Variants in BAHCC1 observed in about 807,000 individuals in gnomAD.
The protein encoded by BAHCC1 is BAH and coiled-coil domain-containing protein 1.
BAHCC1 carries 43 observed loss-of-function variants against 88.2 expected under a neutral mutation model. The observed-to-expected ratio is 0.49, with a 90% CI of 0.38 to 0.63. The LOEUF (loss-of-function observed/expected upper bound fraction) is 0.63. Ranked by LOEUF, BAHCC1 falls within the 20% of genes least tolerant of loss-of-function variation. BAHCC1 has a pLI of 0.00. For synonymous variants in BAHCC1, 1,510 were observed against 745.5 expected, an observed-to-expected ratio of 2.03 and a Z score of -16.71; for missense variants, 3,023 against 1,654.8, an observed-to-expected ratio of 1.83 and a Z score of -14.34.
Position 81,444,553 on chromosome 17 carries a change from G to T in BAHCC1, c.2497G>T (p.Gly833Trp). 1 of 722,786 alleles carries T rather than the reference G, an allele frequency of 1.4e-6. No homozygotes were observed. The allele number at this position is 722,786 out of a possible 1,614,324, so 44.8% of individuals were successfully genotyped here. The change falls in exon 7 of 28, where the codon GGG becomes TGG. Residue 833 changes from glycine to tryptophan, a missense_variant. Gly to Trp is a radical substitution (Grantham distance 184, BLOSUM62 -2). Transcript: ENST00000675386. ...PRTRSPSLWM[G>W]GHSYGLGHPA... ...CACCCGCAGCCCCTCCCTGTGGATG[G>T]GGGGGCACTCCTACGGTCAGTGATC...
At chr17:81,405,211 G>C (rs1247445129) in intron 2 of BAHCC1, among the ~76,000 whole-genome samples, 1 of 152,146 alleles carries the variant, frequency 6.6e-6, no homozygotes, top group African/African-American at 2.4e-5. Flanking sequence ...GGGATTACAG[G>C]CATGTACCAC....
intron 26 of BAHCC1, among the ~76,000 whole-genome samples, 175 bp downstream of exon 26, chr17:81,462,221 G>C (rs145591382): frequency 1.3e-5 from 2 of 152,234 alleles, no homozygotes; most frequent in Non-Finnish European, 2.9e-5. Flanking sequence ...TGAGGCAGCC[G>C]CTTCCGCTGG....
intron 6 of BAHCC1, 22 bp downstream of exon 6, chr17:81,443,939 CT>C: frequency 2.8e-6 from 2 of 707,094 alleles, no homozygotes; most frequent in Non-Finnish European, 5.2e-6. Flanking sequence ...GCCTGTGGCC[CT>C]GGAGAGTGGG....
intron 2 of BAHCC1, among the ~76,000 whole-genome samples, chr17:81,413,810 C>T (rs1207548271): frequency 6.6e-6 from 1 of 152,244 alleles, no homozygotes; most frequent in African/African-American, 2.4e-5. Context: ...GTTAAGGTGT[C>T]CTTCTCTGGA....
chr17:81,460,021 C>T (rs998520784), intron 23 of BAHCC1, among the ~76,000 whole-genome samples: 8 of 151,878 alleles, frequency 5.3e-5, no homozygotes, highest in Admixed American at 1.3e-4. Context: ...GAGGTGGGCA[C>T]GTGGGCGTCA....
chr17:81,411,070 G>T lies in BAHCC1; in HGVS notation c.178+11153G>T, dbSNP rs994076038. The T allele has an allele frequency of 1.9e-6, 1 of 519,142 alleles. No homozygotes were observed. Among genetic ancestry groups the T allele is most frequent in the Non-Finnish European group, 3.9e-6 (1 of 259,734 alleles). The allele number at this position is 519,142 out of a possible 1,614,324, so 32.2% of individuals were successfully genotyped here. On this transcript the variant is annotated intron_variant, in intron 2 of 27. Coordinates refer to ENST00000675386, the MANE Select transcript of BAHCC1 (RefSeq NM_001377448.1). This position sits in a 1 kb window ranked among gnomAD's most constrained non-coding sequence, Gnocchi z 6.2. ...CGTGCGCCTCCCCTCGGGCCTGAGG[G>T]GTCCCTCTCTCTGGGGTCACGCTCC...
At chr17:81,446,753 C>T (rs35693979) in intron 10 of BAHCC1, 2 of 610,374 alleles carry the variant, frequency 3.3e-6, no homozygotes, top group Non-Finnish European at 6.2e-6. Flanking sequence ...CGTGCTCACT[C>T]TGTTGCCCAC....
At chr17:81,419,409 C>G (rs1233139046) in intron 2 of BAHCC1, among the ~76,000 whole-genome samples, 3 of 152,266 alleles carry the variant, frequency 2.0e-5, no homozygotes, top group African/African-American at 7.2e-5. Flanking sequence ...GAATGTGGGG[C>G]AGGGCCAGCA....
At chr17:81,414,127 G>A (rs569477033) in intron 2 of BAHCC1, among the ~76,000 whole-genome samples, 123 of 152,348 alleles carry the variant, frequency 8.1e-4, no homozygotes, top group African/African-American at 2.8e-3. Context: ...CCCCCGCACA[G>A]CAGCCCAAGC....
At chr17:81,401,059 G>A (rs1301715988) in intron 2 of BAHCC1, 11 of 152,252 alleles carry the variant, frequency 7.2e-5, no homozygotes, top group African/African-American at 2.7e-4. Flanking sequence ...TTGATGAACT[G>A]TGAATACTAA....
chr17:81,421,882 G>A, intron 2 of BAHCC1: 1 of 351,568 alleles, frequency 2.8e-6, no homozygotes, highest in South Asian at 2.0e-5. Context: ...CCTGGGCACG[G>A]AATTGGGGTG....
chr17:81,402,486 A>T (rs1156446188), intron 2 of BAHCC1: 1 of 152,182 alleles, frequency 6.6e-6, no homozygotes, highest in East Asian at 1.9e-4. Context: ...TTGTGTGCGG[A>T]CTTCCACATG....
chr17:81,399,701 C>T lies in BAHCC1; in HGVS notation c.-39C>T, dbSNP rs2063788530. ...CCGCCCCCGGGCCCCGGCCGCGCTG[C>T]TCCGAGGAAGCGGCGGCGGACCGGG... On this transcript the variant is annotated 5_prime_UTR_variant, in exon 2 of 28. Coordinates refer to ENST00000675386, the MANE Select transcript of BAHCC1 (RefSeq NM_001377448.1). The surrounding 1 kb of genome is among the most constrained non-coding windows in gnomAD (Gnocchi z 4.5). 2.0e-6 allele frequency: 2 copies of T among 1,005,766 alleles called. No individual in the cohort carries two copies. Among genetic ancestry groups the T allele is most frequent in the Non-Finnish European group, 1.2e-6 (1 of 845,594 alleles). 62.3% of individuals were successfully genotyped at this position (1,005,766 alleles called of 1,614,324 possible). A position where few individuals can be genotyped will look rare whatever the true frequency, so the allele number is the denominator to read the frequency against.
intron 15 of BAHCC1, among the ~76,000 whole-genome samples, chr17:81,455,661 T>C: frequency 6.6e-6 from 1 of 152,192 alleles, no homozygotes; most frequent in Non-Finnish European, 1.5e-5. Context: ...ATGCCCAGGC[T>C]ACACTCTGCT....
intron 4 of BAHCC1, among the ~76,000 whole-genome samples, chr17:81,439,713 G>A (rs2064385388): frequency 6.6e-6 from 1 of 152,030 alleles, no homozygotes; most frequent in Admixed American, 6.5e-5. Context: ...TCAGGGTGGG[G>A]GCAGAGGAGA....
rs1453419189 is a variant in BAHCC1 at position 81,444,526 on chromosome 17, C to T, written c.2470C>T (p.Arg824Cys). The change falls in exon 7 of 28, where the codon CGC becomes TGC. Residue 824 changes from arginine to cysteine, a missense_variant. Arg to Cys is a radical substitution (Grantham distance 180). Coordinates refer to ENST00000675386, the MANE Select transcript of BAHCC1 (RefSeq NM_001377448.1). ...HTHPHPPWLPRTRSPSLWMGG... is the reference protein window; with the variant it reads ...HTHPHPPWLPCTRSPSLWMGG... ...CCACCCCCATCCCCCCTGGCTGCCC[C>T]GCACCCGCAGCCCCTCCCTGTGGAT... 13 of 697,318 alleles carry T rather than the reference C, an allele frequency of 1.9e-5. No individual in the cohort carries two copies. Among genetic ancestry groups the T allele is most frequent in the South Asian group, 6.2e-5 (4 of 64,718 alleles). The allele number at this position is 697,318 out of a possible 1,614,324, so 43.2% of individuals were successfully genotyped here. A position where few individuals can be genotyped will look rare whatever the true frequency, so the allele number is the denominator to read the frequency against.
chr17:81,436,260 G>A (rs1555651725), intron 3 of BAHCC1, among the ~76,000 whole-genome samples: 1 of 152,208 alleles, frequency 6.6e-6, no homozygotes, highest in Admixed American at 6.5e-5. Context: ...ACCAGCCCAG[G>A]GGCCACCAGC....
chr17:81,425,735 GGTGATGTGGTTGGT>G lies in BAHCC1; in HGVS notation c.179-1049_179-1036del, dbSNP rs1318175955. On this transcript the variant is annotated intron_variant, in intron 2 of 27. Transcript: ENST00000675386. ...GATAGTGGTGGGTGATGTGGTTGGT[GGTGATGTGGTTGGT>G]GTGATGTGGTTGGTGGTGATGTGGT... Among the ~76,000 whole-genome samples, 246 of 148,826 alleles carry G rather than the reference GGTGATGTGGTTGGT, an allele frequency of 1.7e-3. 3 individuals are homozygous for G. Among genetic ancestry groups the G allele is most frequent in the African/African-American group, 5.9e-3 (236 of 39,902 alleles).
Position 81,458,984 on chromosome 17 carries a change from G to A in BAHCC1, c.5605+15G>A. 2 of 718,674 alleles carry A rather than the reference G, an allele frequency of 2.8e-6. No individual in the cohort carries two copies. Among genetic ancestry groups the A allele is most frequent in the Non-Finnish European group, 5.2e-6 (2 of 384,392 alleles). 44.5% of individuals were successfully genotyped at this position (718,674 alleles called of 1,614,324 possible). ...CGCCGCCCTAGGTGAGCAGGGCCAG[G>A]AAGGGTGCCAGCCGCCTGGGGAGGG... On this transcript the variant is annotated intron_variant, in intron 20 of 27. Coordinates refer to ENST00000675386, the MANE Select transcript of BAHCC1 (RefSeq NM_001377448.1).
Sources: allele counts gnomAD v4.1 joint callset (sites outside exome capture counted in the v4.1 genomes callset), GRCh38; gene constraint gnomAD v4.1.1; non-coding constraint Gnocchi (gnomAD v3.1); transcripts MANE v1.5; gene names NCBI Gene and HGNC (gene_info 2026-07-23, HGNC 2026-07-21).